Variants in CEACAM21 observed in about 807,000 individuals in gnomAD.
CEACAM21 encodes the protein CEA cell adhesion molecule 21.
CEACAM21 carries 38 observed loss-of-function variants against 33.2 expected under a neutral mutation model. That is an observed-to-expected ratio of 1.14 (90% confidence interval 0.88 to 1.50). CEACAM21 has a LOEUF of 1.50. Ranked by LOEUF, CEACAM21 falls within the 40% of genes most tolerant of loss-of-function variation. The probability of loss-of-function intolerance (pLI) is 0.00; values close to 1 mark genes in which losing one functional copy is unlikely to be tolerated. For missense variants in CEACAM21, 385 were observed against 364.6 expected, an observed-to-expected ratio of 1.06 and a Z score of -0.46; for synonymous variants, 156 against 143.0, an observed-to-expected ratio of 1.09 and a Z score of -0.65.
At chr19:41,558,649 AAAC>A (rs1430975779) in intron 1 of CEACAM21, among the ~76,000 whole-genome samples, 10 of 152,174 alleles carry the variant, frequency 6.6e-5, no homozygotes, top group African/African-American at 1.9e-4. Context: ...TCTGACTCAA[AAAC>A]AACAACAACA....
At position 41,576,226 on chromosome 19, in the gene CEACAM21, G is replaced by C; in HGVS notation, c.-49G>C. The C allele has an allele frequency of 6.2e-7, 1 of 1,608,552 alleles. No homozygotes were observed. Among genetic ancestry groups the C allele is most frequent in the Non-Finnish European group, 8.5e-7 (1 of 1,175,156 alleles). ...AGTAACCCTGTCTAGAGCGTTCCTG[G>C]AGCCCAAGCTCCTCTCCACAGAGGA... On this transcript the variant is annotated 5_prime_UTR_variant, in exon 1 of 7. Coordinates refer to ENST00000401445, the MANE Select transcript of CEACAM21 (RefSeq NM_001098506.4).
chr19:41,561,517 C>A (rs2041881206), intron 1 of CEACAM21, among the ~76,000 whole-genome samples: 2 of 152,066 alleles, frequency 1.3e-5, no homozygotes, highest in Non-Finnish European at 2.9e-5. Flanking sequence ...AATACTTTCC[C>A]CAAATTATGT....
At chr19:41,568,012 G>C (rs1422934410) in intron 2 of CEACAM21, among the ~76,000 whole-genome samples, 1 of 152,062 alleles carries the variant, frequency 6.6e-6, no homozygotes, top group Non-Finnish European at 1.5e-5. Flanking sequence ...ACAGACATAG[G>C]TGTTGATGAT....
At chr19:41,580,256 C>T (rs150050749) in intron 3 of CEACAM21, among the ~76,000 whole-genome samples, 2 of 152,118 alleles carry the variant, frequency 1.3e-5, no homozygotes, top group African/African-American at 2.4e-5. Flanking sequence ...TTCCTCTGCT[C>T]TCACTCCACA....
In CEACAM21 at chr19:41,585,434, C is replaced by G. The variant is rs377681762; in HGVS notation, c.798-9C>G. The stretch of plus-strand genomic sequence containing the variant: ...TTGCACCTTCACAAATAACCCTGAC[C>G]TTTCCTAGGGCCAGCGATCAGAGTG... On this transcript the variant is annotated splice_polypyrimidine_tract_variant and intron_variant, in intron 4 of 6. Transcript: ENST00000401445. 1 of 1,613,674 alleles carries G rather than the reference C, an allele frequency of 6.2e-7. No individual in the cohort carries two copies. The highest frequency in any genetic ancestry group is 1.7e-5 in the Admixed American group (1 of 59,982).
chr19:41,585,564 A>G, intron 5 of CEACAM21, 69 bp downstream of exon 5: 1 of 1,517,838 alleles, frequency 6.6e-7, no homozygotes, highest in Non-Finnish European at 9.1e-7. Context: ...CACTCCTGCC[A>G]GTTACACCCA....
intron 1 of CEACAM21, among the ~76,000 whole-genome samples, chr19:41,556,618 A>G (rs1163548229): frequency 6.6e-6 from 1 of 152,246 alleles, no homozygotes. Flanking sequence ...AATCTCACCA[A>G]TACTAAATAG....
At chr19:41,579,197 ACTGCTCG>A in intron 2 of CEACAM21, 149 bp from the exon 3 acceptor site, 1 of 1,218,494 alleles carries the variant, frequency 8.2e-7, no homozygotes, top group Non-Finnish European at 1.2e-6. Context: ...TGTAGTCCCT[ACTGCTCG>A]CTGCTATGGG....
intron 3 of CEACAM21, among the ~76,000 whole-genome samples, chr19:41,581,834 A>G (rs1440618838): frequency 6.6e-6 from 1 of 152,176 alleles, no homozygotes; most frequent in Non-Finnish European, 1.5e-5. Context: ...TTAAAATTCA[A>G]GGTGATATTT....
intron 1 of CEACAM21, among the ~76,000 whole-genome samples, chr19:41,559,121 A>AT (rs2041716291): frequency 6.6e-6 from 1 of 152,222 alleles, no homozygotes; most frequent in Non-Finnish European, 1.5e-5. Flanking sequence ...AGATTTATGT[A>AT]TTTTACTGGA....
intron 1 of CEACAM21, among the ~76,000 whole-genome samples, chr19:41,564,084 A>G (rs1389168641): frequency 6.6e-6 from 1 of 152,194 alleles, no homozygotes; most frequent in Non-Finnish European, 1.5e-5. Flanking sequence ...ACCTGGTCTA[A>G]ACCAGCTCAG....
intron 1 of CEACAM21, chr19:41,550,823 A>G (rs903773892): frequency 4.6e-5 from 7 of 152,242 alleles, no homozygotes; most frequent in African/African-American, 1.7e-4. Flanking sequence ...CCTATATGTT[A>G]CGGTAAAAAT....
chr19:41,574,148 G>A (rs7256883), upstream of CEACAM21, among the ~76,000 whole-genome samples: 3,632 of 152,214 alleles, frequency 0.024, 156 homozygotes, highest in African/African-American at 0.083. Context: ...AACCACATGC[G>A]AGATAGTGTA....
At position 41,569,580 on chromosome 19, in the gene CEACAM21, A is replaced by G. The variant is rs371376812; in HGVS notation, c.-404+4524A>G. Among the ~76,000 whole-genome samples, 18 of 152,076 alleles carry G rather than the reference A, an allele frequency of 1.2e-4. 1 individual carries two copies. Among genetic ancestry groups the G allele is most frequent in the Admixed American group, 8.5e-4 (13 of 15,276 alleles). ...AGGGAGAGGGGCTGCAGGGAGCTAG[A>G]TACTGCCCCCCAAGGAGGAGGGAGC... On this transcript the variant is annotated intron_variant, in intron 2 of 7. Transcript: ENST00000407170.
chr19:41,584,529 C>G (rs2070570710), intron 4 of CEACAM21, 86 bp downstream of exon 4: 1 of 1,224,606 alleles, frequency 8.2e-7, no homozygotes, highest in Non-Finnish European at 1.2e-6. Context: ...TATTCAGTGC[C>G]AGGCTCTCCC....
At chr19:41,582,905 A>T (rs868994716) in intron 3 of CEACAM21, among the ~76,000 whole-genome samples, 9 of 152,220 alleles carry the variant, frequency 5.9e-5, no homozygotes, top group Admixed American at 4.6e-4. Context: ...TTCATTGTTT[A>T]TGCACATTTC....
chr19:41,557,680 C>T (rs2041620888), intron 1 of CEACAM21, among the ~76,000 whole-genome samples: 2 of 152,168 alleles, frequency 1.3e-5, no homozygotes, highest in Non-Finnish European at 2.9e-5. Context: ...CTGGACATCC[C>T]TAAAAAGAGA....
In CEACAM21 at chr19:41,579,423, C is replaced by T. The variant is rs782353660; in HGVS notation, c.495C>T (p.Thr165=). The T allele has an allele frequency of 1.9e-6, 3 of 1,613,952 alleles. No homozygotes were observed. Among genetic ancestry groups the T allele is most frequent in the Non-Finnish European group, 2.5e-6 (3 of 1,179,878 alleles). ...TVTEKGSVVL[T]CHTNNTGTSF... The stretch of plus-strand genomic sequence containing the variant: ...CAGAGAAGGGCTCCGTGGTCCTGAC[C>T]TGCCACACAAATAACACTGGAACCT... Residue 165 remains threonine (T), a synonymous_variant, in exon 3 of 7, where the codon ACC becomes ACT. Transcript: ENST00000401445.
chr19:41,557,454 A>G (rs1436012016), intron 1 of CEACAM21, among the ~76,000 whole-genome samples: 1 of 152,186 alleles, frequency 6.6e-6, no homozygotes, highest in South Asian at 2.1e-4. Context: ...TGGTAAATCA[A>G]TTGTGATGTG....
Sources: allele counts gnomAD v4.1 joint callset (sites outside exome capture counted in the v4.1 genomes callset), GRCh38; gene constraint gnomAD v4.1.1; transcripts MANE v1.5; gene names NCBI Gene and HGNC (gene_info 2026-07-23, HGNC 2026-07-21).